Variants in ECT2L observed in about 807,000 individuals in gnomAD.
The protein encoded by ECT2L is epithelial cell-transforming sequence 2 oncogene-like.
ECT2L carries 126 observed loss-of-function variants against 122.8 expected under a neutral mutation model. The observed-to-expected ratio is 1.03, with a 90% CI of 0.89 to 1.19. The LOEUF is 1.19. ECT2L is among the 50% of genes most tolerant of loss of function. The probability of loss-of-function intolerance (pLI) is 0.00; values close to 1 mark genes in which losing one functional copy is unlikely to be tolerated. For missense variants in ECT2L, 1,012 were observed against 1,064.1 expected (o/e 0.95, Z 0.68); for synonymous variants, 385 against 381.8 (o/e 1.01, Z -0.10).
chr6:138,849,506 C>T (rs773757290), intron 9 of ECT2L, 72 bp downstream of exon 9: 182 of 1,442,124 alleles, frequency 1.3e-4, no homozygotes, highest in Non-Finnish European at 1.4e-4. Context: ...GTGTGACTTC[C>T]GGAGGACTAT....
Position 138,828,532 on chromosome 6 carries a change from G to A in ECT2L, c.180-9820G>A, listed in dbSNP as rs557574268. ...TTTTATTCTTCCTTCAGAAGCTGGC[G>A]AGTTCCAGTGGTTTTTGTGTGTGCT... On this transcript the variant is annotated intron_variant, in intron 4 of 21. Coordinates refer to ENST00000541398, the MANE Select transcript of ECT2L (RefSeq NM_001077706.3). Among the ~76,000 whole-genome samples the A allele has an allele frequency of 8.6e-4, 131 of 152,276 alleles. 1 individual carries two copies. The highest frequency in any genetic ancestry group is 1.5e-3 in the Non-Finnish European group (101 of 68,028).
In ECT2L at chr6:138,902,933, A is replaced by C; in HGVS notation, c.*306A>C. On this transcript the variant is annotated 3_prime_UTR_variant, in exon 22 of 22. Transcript: ENST00000541398. Reference sequence around the variant, plus strand: ...TAAGACAGAGCAAGCACATTGTGTAAAGCTTTGTTTTATGATCTAATGAAA... The same window carrying C: ...TAAGACAGAGCAAGCACATTGTGTACAGCTTTGTTTTATGATCTAATGAAA... 1 of 273,762 alleles carries C rather than the reference A, an allele frequency of 3.7e-6. No homozygotes were observed. The highest frequency in any genetic ancestry group is 6.9e-6 in the Non-Finnish European group (1 of 145,740). 17.0% of individuals were successfully genotyped at this position (273,762 alleles called of 1,614,324 possible). A position where few individuals can be genotyped will look rare whatever the true frequency, so the allele number is the denominator to read the frequency against.
At chr6:138,836,476 A>T (rs938846571) in intron 4 of ECT2L, among the ~76,000 whole-genome samples, 1 of 151,696 alleles carries the variant, frequency 6.6e-6, no homozygotes, top group African/African-American at 2.4e-5. Context: ...TTTAGTAGAG[A>T]CAGGTTTCAC....
chr6:138,837,800 T>C (rs549404496), intron 4 of ECT2L, among the ~76,000 whole-genome samples: 1 of 152,246 alleles, frequency 6.6e-6, no homozygotes, highest in East Asian at 1.9e-4. Context: ...CTCTTGAAAA[T>C]CACATCAAAC....
intron 3 of ECT2L, among the ~76,000 whole-genome samples, chr6:138,814,076 T>C (rs1008101617): frequency 4.6e-5 from 7 of 152,188 alleles, no homozygotes; most frequent in African/African-American, 1.7e-4. Flanking sequence ...AGTGAAGTTA[T>C]ACCTACCTCA....
At chr6:138,876,398 C>CT in intron 13 of ECT2L, 74 bp from the exon 14 acceptor site, 1 of 1,016,862 alleles carries the variant, frequency 9.8e-7, no homozygotes, top group Non-Finnish European at 1.5e-6. Flanking sequence ...TGAGGGCCTC[C>CT]TGCGGGCACA....
At chr6:138,900,878 A>G (rs1355870869) in intron 20 of ECT2L, 70 bp from the exon 21 acceptor site, 8 of 1,493,532 alleles carry the variant, frequency 5.4e-6, no homozygotes, top group Non-Finnish European at 6.3e-6. Context: ...TATCAATTTC[A>G]AGATGCTTAA....
intron 12 of ECT2L, 21 bp downstream of exon 12, chr6:138,865,199 T>C: frequency 1.3e-6 from 2 of 1,573,692 alleles, no homozygotes; most frequent in African/African-American, 1.4e-5. Context: ...TTGCTACTTC[T>C]GTTGCAGGTT....
intron 1 of ECT2L, among the ~76,000 whole-genome samples, chr6:138,797,809 C>T (rs1479745430): frequency 6.6e-6 from 1 of 152,028 alleles, no homozygotes; most frequent in African/African-American, 2.4e-5. Context: ...CACTGTGTAC[C>T]TGGAGTTAGT....
rs912177500 is a variant in ECT2L at position 138,903,346 on chromosome 6, G to A, written c.*719G>A. 6 of 150,652 alleles carry A rather than the reference G, an allele frequency of 4.0e-5. No homozygotes were observed. The highest frequency in any genetic ancestry group is 1.5e-4 in the African/African-American group (6 of 40,804). 9.3% of individuals were successfully genotyped at this position (150,652 alleles called of 1,614,324 possible). On this transcript the variant is annotated 3_prime_UTR_variant, in exon 22 of 22. Coordinates refer to ENST00000541398, the MANE Select transcript of ECT2L (RefSeq NM_001077706.3). ...TTGCACTTCAGCCTGGGTGACAAGAGCGAACCTCTGTCTCAAAAAAAAAAG... is the reference window on the plus strand; with the variant it reads ...TTGCACTTCAGCCTGGGTGACAAGAACGAACCTCTGTCTCAAAAAAAAAAG...
chr6:138,843,651 G>C (rs973491755), intron 6 of ECT2L, among the ~76,000 whole-genome samples: 1 of 152,032 alleles, frequency 6.6e-6, no homozygotes, highest in Non-Finnish European at 1.5e-5. Flanking sequence ...AGCTCTTTCC[G>C]CTCTTTTTAA....
chr6:138,847,131 G>A (rs897217491), intron 8 of ECT2L, among the ~76,000 whole-genome samples: 2 of 151,422 alleles, frequency 1.3e-5, no homozygotes, highest in African/African-American at 4.9e-5. Flanking sequence ...ATAGCCGGGT[G>A]TGGTGGTGTG....
chr6:138,800,212 A>G (rs1775495021), intron 1 of ECT2L, among the ~76,000 whole-genome samples: 1 of 152,224 alleles, frequency 6.6e-6, no homozygotes, highest in Admixed American at 6.5e-5. Flanking sequence ...TTTCAATTCA[A>G]AGTAAAAAGC....
chr6:138,810,039 G>A (rs139443429), intron 1 of ECT2L, among the ~76,000 whole-genome samples: 12 of 152,266 alleles, frequency 7.9e-5, no homozygotes, highest in East Asian at 1.9e-4. Context: ...TAATGAGCTC[G>A]TACTTTATGC....
intron 20 of ECT2L, among the ~76,000 whole-genome samples, chr6:138,899,654 A>G (rs1188848): frequency 0.35 from 52,879 of 152,104 alleles, 11,013 homozygotes; most frequent in Admixed American, 0.5. Flanking sequence ...TTTAAAAATT[A>G]AACAAAAATG....
chr6:138,843,975 C>T (rs1171420993), intron 6 of ECT2L, among the ~76,000 whole-genome samples: 1 of 152,172 alleles, frequency 6.6e-6, no homozygotes, highest in Non-Finnish European at 1.5e-5. Flanking sequence ...CAGGCAGAGC[C>T]ACGGCGCCCA....
intron 9 of ECT2L, 91 bp from the exon 10 acceptor site, chr6:138,853,935 G>C (rs1777531359): frequency 1.4e-6 from 2 of 1,446,774 alleles, no homozygotes; most frequent in Non-Finnish European, 1.9e-6. Flanking sequence ...ATGGCATTTT[G>C]ATTTTGTGCT....
chr6:138,817,524 T>C (rs1776110733), intron 4 of ECT2L, among the ~76,000 whole-genome samples: 1 of 152,212 alleles, frequency 6.6e-6, no homozygotes. Context: ...GATGGTTTTA[T>C]AATTTCCAAA....
At chr6:138,798,698 T>C (rs1216258895) in intron 1 of ECT2L, among the ~76,000 whole-genome samples, 1 of 152,224 alleles carries the variant, frequency 6.6e-6, no homozygotes, top group Non-Finnish European at 1.5e-5. Flanking sequence ...TAGAAGTGTA[T>C]TTCCAAATAC....
Sources: allele counts gnomAD v4.1 joint callset (sites outside exome capture counted in the v4.1 genomes callset), GRCh38; gene constraint gnomAD v4.1.1; transcripts MANE v1.5; gene names NCBI Gene and HGNC (gene_info 2026-07-23, HGNC 2026-07-21).